The following CNR1 variants were observed in gnomAD, a reference collection of about 807,000 sequenced individuals.
The protein encoded by CNR1 is cannabinoid receptor 1 (brain).
Under a neutral mutation model 23.0 loss-of-function variants are expected in CNR1, and 10 were observed. The ratio of observed to expected loss-of-function variants is 0.43; its 90% CI spans 0.27 to 0.74. CNR1 has a LOEUF of 0.74. Ranked by LOEUF, CNR1 falls within the 30% of genes least tolerant of loss-of-function variation. The pLI is 0.19. For synonymous variants in CNR1, 271 were observed against 255.2 expected (o/e 1.06, Z -0.59); for missense variants, 422 against 618.8 (o/e 0.68, Z 3.37).
At chr6:88,152,407 T>C (rs1017470563) in intron 1 of CNR1, among the ~76,000 whole-genome samples, 7 of 152,116 alleles carry the variant, frequency 4.6e-5, no homozygotes, top group Non-Finnish European at 8.8e-5. Flanking sequence ...AGACAAAGGA[T>C]CACATATCTT....
In CNR1 at chr6:88,144,944, G is replaced by A. The variant is rs201930953; in HGVS notation, c.331C>T (p.Leu111=). The A allele has an allele frequency of 6.2e-7, 1 of 1,614,180 alleles. No homozygotes were observed. The highest frequency in any genetic ancestry group is 1.1e-5 in the South Asian group (1 of 91,078). The change falls in exon 2 of 2, where the codon CTG becomes TTG. Residue 111 remains leucine (L), a synonymous_variant. Transcript: ENST00000369501. The surrounding 1 kb of genome is among the most constrained non-coding windows in gnomAD (Gnocchi z 7.8). ...ATGGCCAGCTGCTGGCTGGGGTTCA[G>A]GACCATGAAACACTCTATGTCCATG... ...NFMDIECFMV[L]NPSQQLAIAV...
At position 88,142,958 on chromosome 6, in the gene CNR1, C is replaced by T. The variant is rs1328969501; in HGVS notation, c.*898G>A. On this transcript the variant is annotated 3_prime_UTR_variant, in exon 2 of 2. Coordinates refer to ENST00000369501, the MANE Select transcript of CNR1 (RefSeq NM_016083.6). The stretch of plus-strand genomic sequence containing the variant: ...TGATAACGATATACATTAAGATTAA[C>T]ACATGCTGTCTTAAGAGATCCAGTA... The T allele has an allele frequency of 6.5e-6, 1 of 152,756 alleles. No individual in the cohort carries two copies. The highest frequency in any genetic ancestry group is 1.5e-5 in the Non-Finnish European group (1 of 68,042). The allele number at this position is 152,756 out of a possible 1,614,324, so 9.5% of individuals were successfully genotyped here.
chr6:88,157,265 C>T (rs1030670992), intron 1 of CNR1, among the ~76,000 whole-genome samples: 22 of 152,052 alleles, frequency 1.4e-4, no homozygotes, highest in African/African-American at 5.3e-4. Flanking sequence ...CACTTGCGAG[C>T]GTGTTTCCAA....
chr6:88,166,546 G>A (rs1000139586), upstream of CNR1, among the ~76,000 whole-genome samples: 24 of 152,216 alleles, frequency 1.6e-4, 1 homozygote, highest in African/African-American at 5.5e-4. Flanking sequence ...GGGCCAGAGG[G>A]GACAAGCCTC....
chr6:88,155,752 A>C (rs1031539011), intron 1 of CNR1, among the ~76,000 whole-genome samples: 6 of 152,234 alleles, frequency 3.9e-5, no homozygotes, highest in African/African-American at 1.4e-4. Flanking sequence ...TATAAATCCT[A>C]ACTCTGCATT....
chr6:88,151,666 A>C (rs980808354), intron 1 of CNR1, among the ~76,000 whole-genome samples: 4 of 151,446 alleles, frequency 2.6e-5, no homozygotes, highest in Non-Finnish European at 5.9e-5. Context: ...TTATATTGTA[A>C]GAATATATTA....
Position 88,143,592 on chromosome 6 carries a change from TTTCC to T in CNR1, c.*260_*263del. 1 of 365,534 alleles carries T rather than the reference TTTCC, an allele frequency of 2.7e-6. No individual in the cohort carries two copies. The highest frequency in any genetic ancestry group is 4.9e-6 in the Non-Finnish European group (1 of 202,758). 22.6% of individuals were successfully genotyped at this position (365,534 alleles called of 1,614,324 possible). On this transcript the variant is annotated 3_prime_UTR_variant, in exon 2 of 2. Transcript: ENST00000369501. ...AGACTTCCAATTGTGTAGCCAAAGGTTTCCCTCCTATTTCATTGAGACTTTGAAG... is the reference window on the plus strand; with the variant it reads ...AGACTTCCAATTGTGTAGCCAAAGGTCTCCTATTTCATTGAGACTTTGAAG...
chr6:88,157,695 A>G (rs1332009170), intron 1 of CNR1, among the ~76,000 whole-genome samples: 1 of 152,200 alleles, frequency 6.6e-6, no homozygotes, highest in Non-Finnish European at 1.5e-5. Context: ...TGGTCTCAGG[A>G]ACCCACAATC....
intron 1 of CNR1, among the ~76,000 whole-genome samples, chr6:88,160,213 C>T (rs1199868214): frequency 6.6e-6 from 1 of 151,938 alleles, no homozygotes; most frequent in Non-Finnish European, 1.5e-5. Context: ...ATCGCTTGAA[C>T]CCAGGAAGCG....
intron 1 of CNR1, among the ~76,000 whole-genome samples, chr6:88,146,101 T>TC (rs1023107564): frequency 4.6e-5 from 7 of 151,818 alleles, no homozygotes; most frequent in Non-Finnish European, 8.8e-5. Context: ...AGTTTTTTTT[T>TC]TCTTTCTTTC....
At chr6:88,157,648 A>G (rs1777872599) in intron 1 of CNR1, among the ~76,000 whole-genome samples, 1 of 152,228 alleles carries the variant, frequency 6.6e-6, no homozygotes, top group South Asian at 2.1e-4. Flanking sequence ...CTTAAAACAA[A>G]TATGTTTAAA....
chr6:88,162,467 T>C (rs937860349), intron 1 of CNR1, among the ~76,000 whole-genome samples: 3 of 152,192 alleles, frequency 2.0e-5, no homozygotes, highest in Non-Finnish European at 4.4e-5. Flanking sequence ...ATTTATAAAG[T>C]CAATCCAATC....
intron 1 of CNR1, among the ~76,000 whole-genome samples, chr6:88,147,243 C>A (rs930771451): frequency 6.6e-6 from 1 of 152,156 alleles, no homozygotes; most frequent in East Asian, 1.9e-4. Flanking sequence ...ACCCGGGAGG[C>A]GGAGGTTGCA....
intron 1 of CNR1, among the ~76,000 whole-genome samples, chr6:88,158,934 G>GT (rs1353065170): frequency 2.6e-5 from 4 of 152,126 alleles, no homozygotes; most frequent in East Asian, 1.9e-4. Context: ...AACCTCTCCA[G>GT]TTTTTTTAGT....
intron 1 of CNR1, among the ~76,000 whole-genome samples, chr6:88,164,538 T>C (rs559322546): frequency 1.4e-3 from 212 of 152,326 alleles, no homozygotes; most frequent in Non-Finnish European, 2.6e-3. Context: ...CCTTTTATTT[T>C]TATAAAATTG....
chr6:88,159,443 T>A (rs184140105), intron 1 of CNR1, among the ~76,000 whole-genome samples: 1 of 152,272 alleles, frequency 6.6e-6, no homozygotes, highest in African/African-American at 2.4e-5. Flanking sequence ...TTACAAATAT[T>A]TAGAAATATA....
intron 1 of CNR1, chr6:88,147,585 G>C (rs1234848824): frequency 6.6e-6 from 1 of 152,160 alleles, no homozygotes; most frequent in Non-Finnish European, 1.5e-5. Context: ...AAGTAATTTG[G>C]AACAGGCATA....
At chr6:88,145,560 A>C (rs1777137353) in intron 1 of CNR1, among the ~76,000 whole-genome samples, 1 of 152,192 alleles carries the variant, frequency 6.6e-6, no homozygotes, top group Non-Finnish European at 1.5e-5. Flanking sequence ...GAAATGTATC[A>C]CCTTTTCATT....
rs77896231 is a variant in CNR1 at position 88,141,418 on chromosome 6, T to C, written c.*2438A>G. 32 of 152,136 alleles carry C rather than the reference T, an allele frequency of 2.1e-4. No homozygotes were observed. Among genetic ancestry groups the C allele is most frequent in the Non-Finnish European group, 3.7e-4 (25 of 67,894 alleles). 9.4% of individuals were successfully genotyped at this position (152,136 alleles called of 1,614,324 possible). ...TAGATCTTGAAAGCACAACACACTA[T>C]AAAATCTACACTGCATACGCACAAA... On this transcript the variant is annotated 3_prime_UTR_variant, in exon 2 of 2. Coordinates refer to ENST00000369501, the MANE Select transcript of CNR1 (RefSeq NM_016083.6).
Sources: gnomAD v4.1 joint callset for allele counts (sites outside exome capture counted in the v4.1 genomes callset) on GRCh38, gnomAD v4.1.1 for gene constraint, Gnocchi (gnomAD v3.1) non-coding constraint, MANE v1.5 for transcripts, NCBI Gene and HGNC (gene_info 2026-07-23, HGNC 2026-07-21) for gene names.